Variants in PHLDB2 observed in about 807,000 individuals in gnomAD.
PHLDB2 encodes pleckstrin homology like domain family B member 2.
A neutral mutation model predicts 123.6 loss-of-function variants in PHLDB2; 71 were observed. That is an observed-to-expected ratio of 0.57 (90% CI 0.47 to 0.70). PHLDB2 has a LOEUF of 0.70. Among genes scored for constraint, PHLDB2 ranks in the 30% least tolerant of loss-of-function variants. The pLI is 0.00. For missense variants in PHLDB2, 1,446 were observed against 1,519.5 expected, an observed-to-expected ratio of 0.95 and a Z score of 0.80; for synonymous variants, 547 against 541.6, an observed-to-expected ratio of 1.01 and a Z score of -0.14.
At chr3:111,910,307 T>G (rs922865924) in intron 2 of PHLDB2, among the ~76,000 whole-genome samples, 1 of 152,176 alleles carries the variant, frequency 6.6e-6, no homozygotes, top group Non-Finnish European at 1.5e-5. Flanking sequence ...TAAAATAATT[T>G]TATTCAAGAT....
intron 1 of PHLDB2, among the ~76,000 whole-genome samples, chr3:111,831,280 A>G (rs1184696196): frequency 6.6e-6 from 1 of 152,200 alleles, no homozygotes; most frequent in Non-Finnish European, 1.5e-5. Context: ...TGCATTAAAT[A>G]TTGAAAAGGA....
intron 1 of PHLDB2, among the ~76,000 whole-genome samples, chr3:111,777,156 G>A (rs1474806049): frequency 1.3e-5 from 2 of 150,376 alleles, no homozygotes; most frequent in African/African-American, 2.4e-5. Flanking sequence ...ATTCTTACTA[G>A]AAAAAAAAAT....
In PHLDB2 at chr3:111,974,471, T is replaced by C; in HGVS notation, c.3670T>C (p.Tyr1224His). Residue 1224 changes from tyrosine to histidine, a missense_variant, in exon 18 of 18, where the codon TAT becomes CAT. Tyr to His is a moderately conservative substitution (Grantham distance 83). Around this residue, in one of 3 missense-constraint regions of PHLDB2, gnomAD observed 594 missense variants for 646.0 expected, o/e 0.92. Transcript: ENST00000431670. ...TFSVKTHDRI[Y>H]YMVAPSPEAM... is the part of the protein sequence containing the mutation. ...TAGCGTCAAGACTCATGACAGAATC[T>C]ATTATATGGTAGCCCCATCGCCAGA... The C allele has an allele frequency of 6.2e-7, 1 of 1,613,568 alleles. No homozygotes were observed. Among genetic ancestry groups the C allele is most frequent in the East Asian group, 2.2e-5 (1 of 44,858 alleles).
intron 2 of PHLDB2, among the ~76,000 whole-genome samples, chr3:111,907,044 C>A (rs1320688009): frequency 2.6e-5 from 4 of 152,192 alleles, no homozygotes; most frequent in African/African-American, 9.7e-5. Flanking sequence ...ATGATAAAAA[C>A]CCCTCACTTT....
intron 2 of PHLDB2, among the ~76,000 whole-genome samples, chr3:111,903,389 T>A (rs558163208): frequency 1.3e-5 from 2 of 152,078 alleles, no homozygotes; most frequent in East Asian, 3.9e-4. Flanking sequence ...ACAAGATGCC[T>A]TTCTCCCCAG....
intron 1 of PHLDB2, among the ~76,000 whole-genome samples, chr3:111,880,311 T>C (rs1488599879): frequency 6.6e-6 from 1 of 152,122 alleles, no homozygotes; most frequent in African/African-American, 2.4e-5. Flanking sequence ...AGAGATATGT[T>C]TGGGGGCAAG....
chr3:111,795,666 T>A (rs915691117), intron 1 of PHLDB2, among the ~76,000 whole-genome samples: 9 of 152,248 alleles, frequency 5.9e-5, no homozygotes, highest in African/African-American at 1.9e-4. Flanking sequence ...TCCTTTTGGA[T>A]AATCATTCAA....
intron 1 of PHLDB2, among the ~76,000 whole-genome samples, chr3:111,735,587 C>T (rs753462688): frequency 6.6e-6 from 1 of 152,170 alleles, no homozygotes; most frequent in Non-Finnish European, 1.5e-5. Context: ...AAAGGCATTA[C>T]AAATAGAGAT....
chr3:111,934,455 A>G (rs1403714705), intron 6 of PHLDB2, among the ~76,000 whole-genome samples: 2 of 152,230 alleles, frequency 1.3e-5, no homozygotes, highest in Admixed American at 6.5e-5. Flanking sequence ...TTTTATTATA[A>G]ATAGCTTCAT....
At chr3:111,745,017 A>C (rs75923425) in intron 1 of PHLDB2, among the ~76,000 whole-genome samples, 4,212 of 152,284 alleles carry the variant, frequency 0.028, 81 homozygotes, top group African/African-American at 0.046. Context: ...TATTAAAATA[A>C]ATTTAAAACC....
chr3:111,916,379 C>G (rs2068179006), intron 3 of PHLDB2: 1 of 152,190 alleles, frequency 6.6e-6, no homozygotes, highest in East Asian at 1.9e-4. Context: ...TACCTTGAGA[C>G]AGCAGACAGA....
At chr3:111,851,089 G>A (rs1457418467) in intron 2 of PHLDB2, among the ~76,000 whole-genome samples, 1 of 151,432 alleles carries the variant, frequency 6.6e-6, no homozygotes, top group African/African-American at 2.4e-5. Flanking sequence ...CAGCTACTCG[G>A]GAGGCTGAGG....
At chr3:111,866,013 C>CTTTTTTTTTTTT (rs1239058039) in intron 1 of PHLDB2, among the ~76,000 whole-genome samples, 3 of 47,668 alleles carry the variant, frequency 6.3e-5, no homozygotes, top group Non-Finnish European at 8.5e-5. Flanking sequence ...CCCACCCACT[C>CTTTTTTTTTTTT]ATTTTTTTTT....
chr3:111,926,292 G>A (rs2068809057), intron 5 of PHLDB2, among the ~76,000 whole-genome samples: 1 of 152,176 alleles, frequency 6.6e-6, no homozygotes, highest in African/African-American at 2.4e-5. Context: ...CAAAGTACCT[G>A]TTACTTCCTC....
chr3:111,783,569 G>C (rs572525300), intron 1 of PHLDB2, among the ~76,000 whole-genome samples: 4 of 152,188 alleles, frequency 2.6e-5, no homozygotes, highest in African/African-American at 9.6e-5. Flanking sequence ...AGATTATTCA[G>C]AACAAACTTG....
intron 1 of PHLDB2, among the ~76,000 whole-genome samples, chr3:111,795,827 C>T (rs1247047845): frequency 2.0e-5 from 3 of 152,128 alleles, no homozygotes; most frequent in African/African-American, 4.8e-5. Context: ...CGGGATCAAG[C>T]GATTTTCCTG....
In PHLDB2 at chr3:111,973,929, T is replaced by C. The variant is rs201078241; in HGVS notation, c.3621+112T>C. On this transcript the variant is annotated intron_variant, in intron 17 of 17. Transcript: ENST00000431670. ...GATGTTCTGATGTAACAGATAGATA[T>C]GATCAGAATGGTGCTGGAAAAGTAA... is the stretch of plus-strand genomic sequence containing the variant. The C allele has an allele frequency of 5.6e-4, 345 of 618,234 alleles. 2 individuals are homozygous for C. In the East Asian group the frequency reaches 9.0e-3, roughly 16 times the overall value. The allele number at this position is 618,234 out of a possible 1,614,324, so 38.3% of individuals were successfully genotyped here.
At chr3:111,802,053 A>C (rs1421444410) in intron 1 of PHLDB2, among the ~76,000 whole-genome samples, 2 of 152,220 alleles carry the variant, frequency 1.3e-5, no homozygotes, top group African/African-American at 2.4e-5. Flanking sequence ...AAAACAATAA[A>C]TTAACCAGGA....
intron 2 of PHLDB2, among the ~76,000 whole-genome samples, chr3:111,901,869 T>A (rs2067224579): frequency 6.6e-6 from 1 of 152,214 alleles, no homozygotes; most frequent in East Asian, 1.9e-4. Context: ...TGTATGGAAA[T>A]TATGATGATA....
Sources: gnomAD v4.1 joint callset for allele counts (sites outside exome capture counted in the v4.1 genomes callset) on GRCh38, gnomAD v4.1.1 for gene constraint, gnomAD v4.1.1 regional missense constraint, MANE v1.5 for transcripts, NCBI Gene and HGNC (gene_info 2026-07-23, HGNC 2026-07-21) for gene names.